The following ARHGAP28 variants were observed in gnomAD, a reference collection of about 807,000 sequenced individuals.
The protein encoded by ARHGAP28 is rho GTPase-activating protein 28.
Under a neutral mutation model 90.7 loss-of-function variants are expected in ARHGAP28, and 56 were observed. That is an observed-to-expected ratio of 0.62 (90% CI 0.50 to 0.77). ARHGAP28 has a LOEUF of 0.77. Among genes scored for constraint, ARHGAP28 ranks in the 30% least tolerant of loss-of-function variants. ARHGAP28 has a pLI of 0.00. For missense variants in ARHGAP28, 869 were observed against 900.9 expected (o/e 0.96, Z 0.45); for synonymous variants, 308 against 323.3 (o/e 0.95, Z 0.51).
chr18:6,763,827 G>A (rs1301976960), intron 1 of ARHGAP28, among the ~76,000 whole-genome samples: 2 of 152,188 alleles, frequency 1.3e-5, no homozygotes, highest in African/African-American at 2.4e-5. Context: ...GAAGTGCAGC[G>A]GAGAGGGCTT....
intron 1 of ARHGAP28, among the ~76,000 whole-genome samples, chr18:6,737,922 G>A (rs2055942653): frequency 6.6e-6 from 1 of 152,178 alleles, no homozygotes; most frequent in Non-Finnish European, 1.5e-5. Flanking sequence ...TAGATAAACT[G>A]TCCATTTGAC....
At chr18:6,776,647 C>A (rs539222686) in intron 1 of ARHGAP28, among the ~76,000 whole-genome samples, 1 of 152,290 alleles carries the variant, frequency 6.6e-6, no homozygotes, top group Admixed American at 6.5e-5. Flanking sequence ...GATGTAAGTA[C>A]ACCTGATGAG....
At chr18:6,895,693 A>G (rs79583170) in intron 15 of ARHGAP28, among the ~76,000 whole-genome samples, 50 of 152,254 alleles carry the variant, frequency 3.3e-4, no homozygotes, top group African/African-American at 1.2e-3. Flanking sequence ...GGCACTCCCT[A>G]CTGCAGTTTA....
intron 1 of ARHGAP28, among the ~76,000 whole-genome samples, chr18:6,742,408 G>T (rs1200634530): frequency 2.6e-5 from 4 of 152,034 alleles, no homozygotes; most frequent in Admixed American, 2.0e-4. Context: ...GACCTCAGGT[G>T]ATCCACCCAC....
intron 5 of ARHGAP28, among the ~76,000 whole-genome samples, chr18:6,865,541 A>C (rs1402959912): frequency 6.6e-6 from 1 of 152,170 alleles, no homozygotes. Context: ...TAGTACATGG[A>C]GTCATATAGC....
Position 6,739,247 on chromosome 18 carries a change from C to T in ARHGAP28, c.122+9304C>T, listed in dbSNP as rs550180452. 1.7e-3 allele frequency among the ~76,000 whole-genome samples: 254 copies of T among 152,048 alleles called. 1 individual carries two copies. Among genetic ancestry groups the T allele is most frequent in the African/African-American group, 5.3e-3 (218 of 41,468 alleles). On this transcript the variant is annotated intron_variant, in intron 1 of 17. Coordinates refer to ENST00000383472, the MANE Select transcript of ARHGAP28 (RefSeq NM_001366230.1). ...TGATTATTGAGAGCAGGGACAATAC[C>T]GGTATAGTATTAGCAACCAGCAAGA...
intron 3 of ARHGAP28, among the ~76,000 whole-genome samples, chr18:6,842,415 C>A (rs1053072373): frequency 6.6e-6 from 1 of 151,996 alleles, no homozygotes; most frequent in Non-Finnish European, 1.5e-5. Context: ...TACTGAAGTC[C>A]CTCCCCTTGC....
intron 10 of ARHGAP28, among the ~76,000 whole-genome samples, chr18:6,878,989 G>A (rs927949917): frequency 4.6e-5 from 7 of 152,052 alleles, no homozygotes; most frequent in African/African-American, 1.7e-4. Flanking sequence ...CCTGTGGTCC[G>A]CTAGTGTATC....
chr18:6,896,051 A>G (rs890286250), intron 15 of ARHGAP28, among the ~76,000 whole-genome samples: 1 of 152,180 alleles, frequency 6.6e-6, no homozygotes, highest in African/African-American at 2.4e-5. Flanking sequence ...TTGAATTTGG[A>G]CCAGCCATTC....
chr18:6,839,586 T>A (rs8086537), intron 3 of ARHGAP28, among the ~76,000 whole-genome samples: 21 of 152,154 alleles, frequency 1.4e-4, no homozygotes, highest in South Asian at 4.2e-4. Context: ...CGTGAGCCAC[T>A]GCGCCCGGCC....
chr18:6,775,587 G>A (rs999685643), intron 1 of ARHGAP28, among the ~76,000 whole-genome samples: 1 of 152,158 alleles, frequency 6.6e-6, no homozygotes, highest in African/African-American at 2.4e-5. Context: ...GATAGGCCAC[G>A]TGATGCTTCG....
In ARHGAP28 at chr18:6,882,126, T is replaced by A; in HGVS notation, c.1291-11T>A. 1.9e-6 allele frequency: 3 copies of A among 1,606,164 alleles called. No individual in the cohort carries two copies. The highest frequency in any genetic ancestry group is 2.6e-6 in the Non-Finnish European group (3 of 1,175,784). Reference sequence around the variant, plus strand: ...GTGCATTGAATACTGACTGTTTTCCTTGATTTACAGCAATACCGTGAAGAA... The same window carrying A: ...GTGCATTGAATACTGACTGTTTTCCATGATTTACAGCAATACCGTGAAGAA... On this transcript the variant is annotated splice_polypyrimidine_tract_variant and intron_variant, in intron 10 of 17. Transcript: ENST00000383472.
chr18:6,878,423 C>A (rs2057150877), intron 10 of ARHGAP28, among the ~76,000 whole-genome samples: 1 of 151,398 alleles, frequency 6.6e-6, no homozygotes, highest in Non-Finnish European at 1.5e-5. Flanking sequence ...TGCAGCACAC[C>A]AGCATGGCAC....
At chr18:6,872,898 A>G (rs568550483) in intron 7 of ARHGAP28, among the ~76,000 whole-genome samples, 88 of 152,324 alleles carry the variant, frequency 5.8e-4, no homozygotes, top group African/African-American at 2.1e-3. Context: ...GCAAGCATAT[A>G]TAATCAGTTT....
At chr18:6,826,841 G>A (rs959229147) in intron 2 of ARHGAP28, among the ~76,000 whole-genome samples, 4 of 152,134 alleles carry the variant, frequency 2.6e-5, no homozygotes, top group African/African-American at 9.6e-5. Flanking sequence ...GCGGCCTTCC[G>A]CAGTGTTTGT....
At chr18:6,862,300 C>T (rs1040781729) in intron 5 of ARHGAP28, among the ~76,000 whole-genome samples, 4 of 152,114 alleles carry the variant, frequency 2.6e-5, no homozygotes, top group African/African-American at 9.7e-5. Context: ...CTGTCTGTGA[C>T]ACCTGTAAAA....
At chr18:6,737,859 C>T (rs2055942165) in intron 1 of ARHGAP28, among the ~76,000 whole-genome samples, 1 of 152,114 alleles carries the variant, frequency 6.6e-6, no homozygotes, top group African/African-American at 2.4e-5. Context: ...GGGTTTATGA[C>T]ACATTCTTTG....
chr18:6,743,247 C>T (rs922081630), intron 1 of ARHGAP28, among the ~76,000 whole-genome samples: 10 of 152,180 alleles, frequency 6.6e-5, no homozygotes, highest in Admixed American at 2.6e-4. Flanking sequence ...TCTTTTCTTA[C>T]TTAAAATCCT....
intron 3 of ARHGAP28, among the ~76,000 whole-genome samples, chr18:6,841,787 A>G (rs992861318): frequency 6.6e-6 from 1 of 152,146 alleles, no homozygotes; most frequent in Non-Finnish European, 1.5e-5. Context: ...AATTTCACCA[A>G]CTTTATCTTT....
Sources: allele counts gnomAD v4.1 joint callset (sites outside exome capture counted in the v4.1 genomes callset), GRCh38; gene constraint gnomAD v4.1.1; transcripts MANE v1.5; gene names NCBI Gene and HGNC (gene_info 2026-07-23, HGNC 2026-07-21).